IL1RAPL2: variants seen among roughly 807,000 people sequenced by gnomAD.
The protein encoded by IL1RAPL2 is interleukin 1 receptor accessory protein like 2.
A neutral mutation model predicts 44.1 loss-of-function variants in IL1RAPL2; 3 were observed. The observed-to-expected ratio is 0.07, with a 90% CI of 0.03 to 0.18. The LOEUF (loss-of-function observed/expected upper bound fraction) is 0.18, where lower values mean the gene tolerates loss of function less well. Among genes scored for constraint, IL1RAPL2 ranks in the 10% least tolerant of loss-of-function variants. The pLI is 1.00. For missense variants in IL1RAPL2, 391 were observed against 496.4 expected (o/e 0.79, Z 2.02); for synonymous variants, 181 against 178.8 (o/e 1.01, Z -0.10).
intron 5 of IL1RAPL2, among the ~76,000 whole-genome samples, chrX:105,421,917 T>G (rs183215079): frequency 5.0e-4 from 56 of 111,696 alleles, no homozygotes; most frequent in African/African-American, 1.8e-3. Context: ...CCAAGAAAAA[T>G]TAGAATTCAT....
At chrX:105,243,649 A>G (rs2034194933) in intron 4 of IL1RAPL2, among the ~76,000 whole-genome samples, 1 of 105,750 alleles carries the variant, frequency 9.5e-6, no homozygotes, top group African/African-American at 3.4e-5. Flanking sequence ...ATTAAATTCC[A>G]GAAAGATGTA....
At chrX:104,695,347 G>T (rs957584060) in intron 2 of IL1RAPL2, among the ~76,000 whole-genome samples, 2 of 109,085 alleles carry the variant, frequency 1.8e-5, no homozygotes, top group Non-Finnish European at 3.9e-5. Context: ...GAGAGAGAGA[G>T]AAAGAGAGAG....
At chrX:104,579,522 C>T (rs1236439099) in intron 1 of IL1RAPL2, among the ~76,000 whole-genome samples, 1 of 111,759 alleles carries the variant, frequency 8.9e-6, no homozygotes, top group African/African-American at 3.3e-5. Context: ...TAAAATCCCA[C>T]ATCTTCTCAC....
In IL1RAPL2 at chrX:104,956,518, A is replaced by G. The variant is rs1250716491; in HGVS notation, c.83-238957A>G. Among the ~76,000 whole-genome samples the G allele has an allele frequency of 4.0e-5, 3 of 74,840 alleles. No individual in the cohort carries two copies. In the Admixed American group the frequency reaches 4.6e-4, roughly 12 times the overall value. 65.0% of individuals were successfully genotyped at this position (74,840 alleles called of 115,157 possible). A position where few individuals can be genotyped will look rare whatever the true frequency, so the allele number is the denominator to read the frequency against. ...TGTTATGCCGGGCGTGGTGGCGCAT[A>G]TCTCAGCTACTGGAGAGGCTGAGTC... On this transcript the variant is annotated intron_variant, in intron 2 of 10. Transcript: ENST00000372582.
chrX:104,710,675 G>A (rs764845299), intron 2 of IL1RAPL2, among the ~76,000 whole-genome samples: 3 of 110,904 alleles, frequency 2.7e-5, no homozygotes, highest in East Asian at 2.9e-4. Flanking sequence ...CATTTGCTGC[G>A]TAACATGGGT....
At chrX:104,739,562 C>T (rs989742494) in intron 2 of IL1RAPL2, among the ~76,000 whole-genome samples, 4 of 111,783 alleles carry the variant, frequency 3.6e-5, no homozygotes, top group Non-Finnish European at 5.6e-5. Flanking sequence ...GACATATCTT[C>T]TATTTGAAGG....
At chrX:104,770,952 G>A (rs1288641783) in intron 2 of IL1RAPL2, among the ~76,000 whole-genome samples, 1 of 111,432 alleles carries the variant, frequency 9.0e-6, no homozygotes, top group East Asian at 2.8e-4. Context: ...CCATCCAAGG[G>A]AGTGAATACT....
At chrX:104,835,013 A>G (rs1254574389) in intron 2 of IL1RAPL2, among the ~76,000 whole-genome samples, 4 of 111,989 alleles carry the variant, frequency 3.6e-5, no homozygotes, top group Non-Finnish European at 7.5e-5. Flanking sequence ...TCGAAAATCA[A>G]TCCCTGTCAA....
chrX:105,645,377 A>G (rs1037113087), intron 6 of IL1RAPL2, among the ~76,000 whole-genome samples: 5 of 111,950 alleles, frequency 4.5e-5, no homozygotes, highest in Non-Finnish European at 9.4e-5. Flanking sequence ...TGAGGAGTTG[A>G]GTGTACTTCC....
chrX:105,079,986 A>G (rs2032379909), intron 2 of IL1RAPL2, among the ~76,000 whole-genome samples: 1 of 112,327 alleles, frequency 8.9e-6, no homozygotes, highest in African/African-American at 3.2e-5. Flanking sequence ...GGTTGGCCAC[A>G]TAAATATCAT....
chrX:105,255,405 T>C (rs1337702209), intron 4 of IL1RAPL2, among the ~76,000 whole-genome samples: 1 of 112,038 alleles, frequency 8.9e-6, no homozygotes, highest in African/African-American at 3.2e-5. Flanking sequence ...TTTTCTCATA[T>C]TTTCAACTTT....
At chrX:104,966,951 A>G (rs1046045791) in intron 2 of IL1RAPL2, among the ~76,000 whole-genome samples, 1 of 112,510 alleles carries the variant, frequency 8.9e-6, no homozygotes, top group Non-Finnish European at 1.9e-5. Flanking sequence ...CCTTTTAAAA[A>G]TAAGAGCTCT....
At chrX:104,778,308 A>G (rs1300178576) in intron 2 of IL1RAPL2, among the ~76,000 whole-genome samples, 1 of 111,662 alleles carries the variant, frequency 9.0e-6, no homozygotes, top group African/African-American at 3.3e-5. Context: ...AAAAGTAAAG[A>G]GTAAGTAAAT....
intron 6 of IL1RAPL2, among the ~76,000 whole-genome samples, chrX:105,645,882 A>T (rs182345987): frequency 3.1e-4 from 35 of 111,590 alleles, no homozygotes; most frequent in African/African-American, 1.1e-3. Flanking sequence ...CACTCCCAAG[A>T]TCATTATTAC....
chrX:105,036,072 T>C (rs2031623793), intron 2 of IL1RAPL2, among the ~76,000 whole-genome samples: 1 of 111,917 alleles, frequency 8.9e-6, no homozygotes, highest in Admixed American at 9.5e-5. Context: ...GTCATTCTTT[T>C]GGTAATGAGA....
At chrX:105,313,797 C>G (rs1483198941) in intron 5 of IL1RAPL2, among the ~76,000 whole-genome samples, 1 of 111,266 alleles carries the variant, frequency 9.0e-6, no homozygotes, top group Non-Finnish European at 1.9e-5. Flanking sequence ...TTGTTACTCA[C>G]CAAAGTTTAG....
intron 1 of IL1RAPL2, among the ~76,000 whole-genome samples, chrX:104,637,116 C>G (rs1163336922): frequency 1.0e-5 from 1 of 99,588 alleles, no homozygotes; most frequent in Non-Finnish European, 2.1e-5. Flanking sequence ...ATTTTTGTTT[C>G]TTTCTTGGCT....
chrX:104,620,639 CAAAAAAAAAAAAAAA>C (rs771769782), intron 1 of IL1RAPL2, among the ~76,000 whole-genome samples: 6 of 14,591 alleles, frequency 4.1e-4, no homozygotes, highest in African/African-American at 9.5e-4. Flanking sequence ...GAGTCTGTCT[CAAAAAAAAAAAAAAA>C]AAAAAAAAAA....
intron 2 of IL1RAPL2, among the ~76,000 whole-genome samples, chrX:104,893,878 G>A: frequency 8.9e-6 from 1 of 111,932 alleles, no homozygotes; most frequent in Admixed American, 9.5e-5. Context: ...TTTCTTCCTA[G>A]CCTGGATGGT....
Sources: allele counts gnomAD v4.1 joint callset (sites outside exome capture counted in the v4.1 genomes callset), GRCh38; gene constraint gnomAD v4.1.1; transcripts MANE v1.5; gene names NCBI Gene and HGNC (gene_info 2026-07-23, HGNC 2026-07-21).